The following MTSS1 variants were observed in gnomAD, a reference collection of about 807,000 sequenced individuals.
MTSS1 encodes MTSS I-BAR domain containing 1.
MTSS1 carries 18 observed loss-of-function variants against 79.0 expected under a neutral mutation model. That is an observed-to-expected ratio of 0.23 (90% CI 0.16 to 0.34). MTSS1 has a LOEUF of 0.34. Ranked by LOEUF, MTSS1 falls within the 10% of genes least tolerant of loss-of-function variation. The pLI is 1.00. For synonymous variants in MTSS1, 341 were observed against 368.6 expected (o/e 0.93, Z 0.86); for missense variants, 815 against 986.2 (o/e 0.83, Z 2.33).
chr8:124,602,207 A>ACACACACACACACACACACAT, intron 3 of MTSS1, among the ~76,000 whole-genome samples: 1 of 142,224 alleles, frequency 7.0e-6, no homozygotes, highest in African/African-American at 2.7e-5. Flanking sequence ...ATATATATAT[A>ACACACACACACACACACACAT]ATTTTTTTTT....
chr8:124,664,736 TC>T (rs1220509737), intron 3 of MTSS1, among the ~76,000 whole-genome samples: 1 of 152,194 alleles, frequency 6.6e-6, no homozygotes, highest in Admixed American at 6.5e-5. Context: ...CATAGTTGCT[TC>T]AGCCTCCAGG....
intron 7 of MTSS1, chr8:124,567,932 G>A (rs1302178827): frequency 1.4e-6 from 2 of 1,397,840 alleles, no homozygotes; most frequent in South Asian, 3.4e-5. Context: ...GAGGCTCTTG[G>A]ATATTCATCT....
chr8:124,701,100 A>T (rs1829631718), intron 2 of MTSS1, among the ~76,000 whole-genome samples: 2 of 152,118 alleles, frequency 1.3e-5, no homozygotes, highest in South Asian at 4.1e-4. Flanking sequence ...AGCCGGGCAC[A>T]GTGGTGCATG....
At chr8:124,629,057 CA>C (rs1815316239) in intron 3 of MTSS1, among the ~76,000 whole-genome samples, 1 of 152,210 alleles carries the variant, frequency 6.6e-6, no homozygotes, top group African/African-American at 2.4e-5. Flanking sequence ...ACTCATGAGC[CA>C]GGCCTAGGCC....
chr8:124,623,627 T>G (rs537725776), intron 3 of MTSS1, among the ~76,000 whole-genome samples: 4 of 152,022 alleles, frequency 2.6e-5, no homozygotes, highest in Admixed American at 6.6e-5. Flanking sequence ...TTCTGTGTTT[T>G]TTTGTTTGTT....
intron 3 of MTSS1, among the ~76,000 whole-genome samples, chr8:124,592,981 C>T (rs543257930): frequency 2.6e-5 from 4 of 152,206 alleles, no homozygotes; most frequent in African/African-American, 4.8e-5. Context: ...AGAACCCAAG[C>T]GAGGGCCAAG....
chr8:124,721,382 C>T (rs1175072816), intron 1 of MTSS1, among the ~76,000 whole-genome samples: 2 of 72,262 alleles, frequency 2.8e-5, no homozygotes, highest in Non-Finnish European at 6.3e-5. Context: ...TTTTATGTTT[C>T]AGTTTATTTA....
intron 3 of MTSS1, among the ~76,000 whole-genome samples, chr8:124,614,055 T>G (rs185097808): frequency 6.6e-6 from 1 of 151,646 alleles, no homozygotes; most frequent in East Asian, 1.9e-4. Context: ...TCCCAGCTAC[T>G]TGGGTGGCTG....
intron 3 of MTSS1, among the ~76,000 whole-genome samples, chr8:124,627,941 C>T (rs1301709323): frequency 3.9e-5 from 6 of 152,142 alleles, no homozygotes; most frequent in Non-Finnish European, 5.9e-5. Context: ...CCGAGGTGGG[C>T]AGATTACTTG....
intron 3 of MTSS1, among the ~76,000 whole-genome samples, chr8:124,600,922 C>G (rs1833674682): frequency 6.6e-6 from 1 of 152,178 alleles, no homozygotes; most frequent in Admixed American, 6.5e-5. Flanking sequence ...GAAGTGAAAG[C>G]TGGGGGACCG....
intron 3 of MTSS1, among the ~76,000 whole-genome samples, chr8:124,696,079 C>T (rs1056609602): frequency 2.0e-5 from 3 of 152,038 alleles, no homozygotes; most frequent in African/African-American, 7.2e-5. Context: ...CCTCCACCTC[C>T]CGAGTTCAAG....
chr8:124,624,078 A>C (rs1814164237), intron 3 of MTSS1, among the ~76,000 whole-genome samples: 1 of 152,206 alleles, frequency 6.6e-6, no homozygotes, highest in Non-Finnish European at 1.5e-5. Context: ...GTGCTGTTAC[A>C]CCAGCTTAAA....
rs565153611 is a variant in MTSS1, at chr8:124,690,364, T to C, written c.208+9162A>G. On this transcript the variant is annotated intron_variant, in intron 3 of 13. Coordinates refer to ENST00000518547, the MANE Select transcript of MTSS1 (RefSeq NM_014751.6). The stretch of plus-strand genomic sequence containing the variant: ...CAATCCTGAGCAGGACAGACACACA[T>C]GCTTGGGTGTGGAATTCTGATATCC... Among the ~76,000 whole-genome samples, 16 of 152,286 alleles carry C rather than the reference T, an allele frequency of 1.1e-4. 1 individual carries two copies. The South Asian group carries it at 2.5e-3, about 24-fold the overall frequency.
chr8:124,625,098 G>A (rs908931503), intron 3 of MTSS1, among the ~76,000 whole-genome samples: 2 of 152,084 alleles, frequency 1.3e-5, no homozygotes, highest in East Asian at 1.9e-4. Context: ...TTCTGGGCTC[G>A]GGAGCCAGAA....
chr8:124,625,716 G>T (rs1814534828), intron 3 of MTSS1, among the ~76,000 whole-genome samples: 1 of 152,218 alleles, frequency 6.6e-6, no homozygotes, highest in Non-Finnish European at 1.5e-5. Context: ...AAATGTTCCA[G>T]CTGCAAGTGT....
At chr8:124,564,805 G>A (rs1394557900) in intron 9 of MTSS1, 1 of 152,132 alleles carries the variant, frequency 6.6e-6, no homozygotes, top group Admixed American at 6.6e-5. Context: ...TTCCTGCTAA[G>A]TGTGTAGTGT....
chr8:124,593,312 G>A (rs1026489741), intron 3 of MTSS1, among the ~76,000 whole-genome samples: 1 of 152,234 alleles, frequency 6.6e-6, no homozygotes, highest in Non-Finnish European at 1.5e-5. Context: ...CTGATGGTAA[G>A]AGTGTAAACT....
intron 3 of MTSS1, among the ~76,000 whole-genome samples, chr8:124,601,676 T>C (rs985279028): frequency 6.6e-6 from 1 of 152,192 alleles, no homozygotes; most frequent in Non-Finnish European, 1.5e-5. Flanking sequence ...ATCACAGAAG[T>C]TGCCTCAGCG....
chr8:124,557,687 G>A lies in MTSS1; in HGVS notation c.1224C>T (p.Ser408=), dbSNP rs1486665698. The A allele has an allele frequency of 1.3e-6, 2 of 1,576,366 alleles. No individual in the cohort carries two copies. Among genetic ancestry groups the A allele is most frequent in the Admixed American group, 3.7e-5 (2 of 54,724 alleles). ...GAGGGGGAGAGACACAAACCTTCCA[G>A]CTAGGGATCTGAGATGACGGGAACA... ...PGMFPSSQIP[S]WKDWAKPGPY... The change falls in exon 11 of 14, where the codon AGC becomes AGT. Residue 408 remains serine, a synonymous_variant. Coordinates refer to ENST00000518547, the MANE Select transcript of MTSS1 (RefSeq NM_014751.6).
Sources: allele counts gnomAD v4.1 joint callset (sites outside exome capture counted in the v4.1 genomes callset), GRCh38; gene constraint gnomAD v4.1.1; transcripts MANE v1.5; gene names NCBI Gene and HGNC (gene_info 2026-07-23, HGNC 2026-07-21).